Variants in ADAM10 observed in about 807,000 individuals in gnomAD.
The protein encoded by ADAM10 is ADAM metallopeptidase domain 10.
A neutral mutation model predicts 90.1 loss-of-function variants in ADAM10; 17 were observed. The observed-to-expected ratio is 0.19, with a 90% confidence interval of 0.13 to 0.28. The LOEUF is 0.28. Ranked by LOEUF, ADAM10 falls within the 10% of genes least tolerant of loss-of-function variation. The pLI is 1.00. For synonymous variants in ADAM10, 310 were observed against 298.6 expected (o/e 1.04, Z -0.40); for missense variants, 610 against 914.3 (o/e 0.67, Z 4.29).
rs145208497 is a variant in ADAM10 at position 58,605,816 on chromosome 15, A to C, written c.2025+4481T>G. 4.0e-3 allele frequency among the ~76,000 whole-genome samples: 612 copies of C among 152,346 alleles called. 5 individuals are homozygous for C. Among genetic ancestry groups the C allele is most frequent in the African/African-American group, 0.014 (576 of 41,590 alleles). ...AGATGATGTTCAATACAGGCACTTA[A>C]ACATAGCCAATAATAAAGTAAAAAG... On this transcript the variant is annotated intron_variant, in intron 14 of 15. Coordinates refer to ENST00000260408, the MANE Select transcript of ADAM10 (RefSeq NM_001110.4).
chr15:58,623,388 C>T (rs917364074), intron 10 of ADAM10, among the ~76,000 whole-genome samples: 6 of 152,298 alleles, frequency 3.9e-5, no homozygotes, highest in Middle Eastern at 3.4e-3. Flanking sequence ...CACCTGCTCT[C>T]CAGAGCCAGA....
intron 2 of ADAM10, chr15:58,691,281 T>C: frequency 8.0e-7 from 1 of 1,248,086 alleles, no homozygotes; most frequent in Non-Finnish European, 1.2e-6. Flanking sequence ...CTCCAGACCC[T>C]CCTTGGTAAC....
At chr15:58,651,814 G>A (rs1477977701) in intron 5 of ADAM10, among the ~76,000 whole-genome samples, 1 of 152,088 alleles carries the variant, frequency 6.6e-6, no homozygotes, top group African/African-American at 2.4e-5. Flanking sequence ...GTTTTTTGAG[G>A]AACCTCCGAA....
chr15:58,722,867 G>C (rs1435315307), intron 1 of ADAM10, among the ~76,000 whole-genome samples: 2 of 151,100 alleles, frequency 1.3e-5, no homozygotes, highest in African/African-American at 4.9e-5. Context: ...CAGTAGCTCA[G>C]GCTACAGGCA....
intron 14 of ADAM10, among the ~76,000 whole-genome samples, chr15:58,603,501 T>C (rs1382661312): frequency 3.3e-5 from 5 of 152,208 alleles, no homozygotes; most frequent in Non-Finnish European, 7.3e-5. Flanking sequence ...CTCACGATGA[T>C]GGGCAAGTTG....
intron 14 of ADAM10, among the ~76,000 whole-genome samples, chr15:58,608,285 G>A (rs150592906): frequency 6.6e-6 from 1 of 152,138 alleles, no homozygotes; most frequent in South Asian, 2.1e-4. Context: ...GGAAAGTAGT[G>A]AAACTAACCC....
chr15:58,666,884 A>T (rs1897093295), intron 4 of ADAM10, among the ~76,000 whole-genome samples: 1 of 152,156 alleles, frequency 6.6e-6, no homozygotes, highest in African/African-American at 2.4e-5. Flanking sequence ...GTCAGCACAA[A>T]ACTCTCCCAA....
At chr15:58,698,816 T>C (rs1898051483) in intron 2 of ADAM10, among the ~76,000 whole-genome samples, 1 of 151,870 alleles carries the variant, frequency 6.6e-6, no homozygotes, top group Admixed American at 6.6e-5. Flanking sequence ...AGTGACCAAA[T>C]ATTCAAATTT....
rs564106826 is a variant in ADAM10, at chr15:58,594,478, C to T, written c.*3069G>A. On this transcript the variant is annotated 3_prime_UTR_variant, in exon 16 of 16. Coordinates refer to ENST00000260408, the MANE Select transcript of ADAM10 (RefSeq NM_001110.4). Reference sequence around the variant, plus strand: ...CACTATCCTAAGACTGTGACAAACACGAAGTACCCAAAGCATAAAGTGTTG... The same window carrying T: ...CACTATCCTAAGACTGTGACAAACATGAAGTACCCAAAGCATAAAGTGTTG... The T allele has an allele frequency of 2.2e-4, 34 of 152,256 alleles. 1 individual carries two copies. The South Asian group carries it at 6.8e-3, about 31-fold the overall frequency. 9.4% of individuals were successfully genotyped at this position (152,256 alleles called of 1,614,324 possible).
intron 9 of ADAM10, among the ~76,000 whole-genome samples, chr15:58,632,753 G>C (rs1426655926): frequency 6.6e-6 from 1 of 152,100 alleles, no homozygotes; most frequent in Non-Finnish European, 1.5e-5. Flanking sequence ...TTCCACAGTA[G>C]AGAAAAGATT....
At chr15:58,747,116 C>G (rs889832541) in intron 1 of ADAM10, among the ~76,000 whole-genome samples, 3 of 152,202 alleles carry the variant, frequency 2.0e-5, no homozygotes, top group African/African-American at 7.2e-5. Context: ...TTTACTGCTA[C>G]AGCTGAAATG....
Position 58,657,677 on chromosome 15 carries a change from C to T in ADAM10, c.585+7420G>A, listed in dbSNP as rs372122949. Among the ~76,000 whole-genome samples, 11 of 152,266 alleles carry T rather than the reference C, an allele frequency of 7.2e-5. No homozygotes were observed. The South Asian group carries it at 1.7e-3, about 23-fold the overall frequency. ...CTGAAAGGTCACCTATCTCTGGATC[C>T]ATTCTCCAGGATTTGTCCCCAGTGC... is the stretch of plus-strand genomic sequence containing the variant. On this transcript the variant is annotated intron_variant, in intron 5 of 15. Coordinates refer to ENST00000260408, the MANE Select transcript of ADAM10 (RefSeq NM_001110.4).
At chr15:58,644,215 T>G (rs965068685) in intron 6 of ADAM10, among the ~76,000 whole-genome samples, 1 of 146,220 alleles carries the variant, frequency 6.8e-6, no homozygotes, top group African/African-American at 2.5e-5. Flanking sequence ...TTCTTTGCGG[T>G]TTTTTTTTTT....
chr15:58,720,359 T>C (rs1438157925), intron 1 of ADAM10, among the ~76,000 whole-genome samples: 8 of 151,484 alleles, frequency 5.3e-5, no homozygotes, highest in Non-Finnish European at 1.5e-5. Flanking sequence ...TAAAACCCAC[T>C]AGCATGAAAC....
chr15:58,727,561 G>A (rs910946666), intron 1 of ADAM10, among the ~76,000 whole-genome samples: 5 of 152,076 alleles, frequency 3.3e-5, no homozygotes, highest in African/African-American at 1.2e-4. Context: ...CAAACACCTG[G>A]TATTAAGTAA....
rs1469158612 is a variant in ADAM10 at position 58,594,925 on chromosome 15, T to TA, written c.*2621dup. The stretch of plus-strand genomic sequence containing the variant: ...ACTAAAAAAAGAATTTGAAGCAGAT[T>TA]ACCTCATGCAGGGAATTATTCTGGG... On this transcript the variant is annotated 3_prime_UTR_variant, in exon 16 of 16. Transcript: ENST00000260408. 6.6e-5 allele frequency: 10 copies of TA among 152,232 alleles called. No individual in the cohort carries two copies. The highest frequency in any genetic ancestry group is 2.4e-4 in the African/African-American group (10 of 41,476). 9.4% of individuals were successfully genotyped at this position (152,232 alleles called of 1,614,324 possible). A position where few individuals can be genotyped will look rare whatever the true frequency, so the allele number is the denominator to read the frequency against.
At chr15:58,612,693 CT>C (rs1303798466) in intron 11 of ADAM10, among the ~76,000 whole-genome samples, 1 of 152,178 alleles carries the variant, frequency 6.6e-6, no homozygotes, top group Non-Finnish European at 1.5e-5. Context: ...TCCGAAATTA[CT>C]GCCATGCACT....
intron 2 of ADAM10, among the ~76,000 whole-genome samples, chr15:58,716,001 CATAA>C (rs1353466626): frequency 3.9e-5 from 6 of 152,090 alleles, no homozygotes; most frequent in Non-Finnish European, 8.8e-5. Flanking sequence ...TTTCATAGTA[CATAA>C]ATACACTAAA....
intron 10 of ADAM10, among the ~76,000 whole-genome samples, chr15:58,625,222 G>C (rs1395131450): frequency 6.6e-6 from 1 of 152,090 alleles, no homozygotes; most frequent in African/African-American, 2.4e-5. Flanking sequence ...GAAAAGACAA[G>C]CTACAGACTG....
Sources: allele counts gnomAD v4.1 joint callset (sites outside exome capture counted in the v4.1 genomes callset), GRCh38; gene constraint gnomAD v4.1.1; transcripts MANE v1.5; gene names NCBI Gene and HGNC (gene_info 2026-07-23, HGNC 2026-07-21).